LMNTD2: variants seen among roughly 807,000 people sequenced by gnomAD.
LMNTD2 encodes the protein lamin tail domain-containing protein 2.
LMNTD2 carries 83 observed loss-of-function variants against 70.1 expected under a neutral mutation model. The ratio of observed to expected loss-of-function variants is 1.18; its 90% CI spans 0.99 to 1.42. The LOEUF is 1.42. LMNTD2 is among the 40% of genes most tolerant of loss of function. LMNTD2 has a pLI of 0.00. For missense variants in LMNTD2, 1,153 were observed against 905.9 expected, an observed-to-expected ratio of 1.27 and a Z score of -3.50; for synonymous variants, 534 against 406.1, an observed-to-expected ratio of 1.31 and a Z score of -3.79.
intron 7 of LMNTD2, 42 bp downstream of exon 7, chr11:557,357 C>T (rs1421739365): frequency 6.4e-7 from 1 of 1,556,518 alleles, no homozygotes; most frequent in African/African-American, 1.4e-5. Flanking sequence ...AAGGTGAGCC[C>T]TCCCTTCTGG....
At chr11:556,457 T>TCCAGC (rs752439974) in intron 9 of LMNTD2, 35 bp downstream of exon 9, 814 of 1,548,864 alleles carry the variant, frequency 5.3e-4, no homozygotes, top group Non-Finnish European at 5.5e-4. Context: ...CCAGCTCCAG[T>TCCAGC]CCGGCGCCGG....
chr11:556,946 G>A lies in LMNTD2; in HGVS notation c.865C>T (p.Arg289Trp), dbSNP rs575385525. 2.5e-6 allele frequency: 4 copies of A among 1,601,424 alleles called. No homozygotes were observed. The highest frequency in any genetic ancestry group is 1.7e-4 in the Middle Eastern group (1 of 6,020). Residue 289 changes from arginine (R) to tryptophan (W), a missense_variant, in exon 8 of 14, where the codon CGG (arginine) becomes TGG (tryptophan). Arg to Trp is a moderately radical substitution (Grantham distance 101). Coordinates refer to ENST00000329451, the MANE Select transcript of LMNTD2 (RefSeq NM_173573.3). ...TGCACGAAGGAAGGCAGGCCCGGCCGGCAGCTGCTGGAGTCGGAGTCAGCG... is the reference window on the plus strand; with the variant it reads ...TGCACGAAGGAAGGCAGGCCCGGCCAGCAGCTGCTGGAGTCGGAGTCAGCG... ...GGADSDSSSC[R>W]PGLPSFVQVI...
At chr11:555,690 G>A in intron 12 of LMNTD2, 44 bp downstream of exon 12, 1 of 1,367,878 alleles carries the variant, frequency 7.3e-7, no homozygotes, top group Non-Finnish European at 9.4e-7. Flanking sequence ...GCTGGGTCGG[G>A]GCCTGGGGAG....
At chr11:558,274 C>T (rs768728591) in intron 3 of LMNTD2, 26 bp from the exon 4 acceptor site, 2 of 1,607,936 alleles carry the variant, frequency 1.2e-6, no homozygotes, top group Non-Finnish European at 1.7e-6. Flanking sequence ...CCTCAGCAGC[C>T]CCCACCCTGC....
At chr11:557,210 G>A (rs1388164611) in intron 7 of LMNTD2, 113 bp from the exon 8 acceptor site, 4 of 1,445,616 alleles carry the variant, frequency 2.8e-6, no homozygotes, top group African/African-American at 2.8e-5. Context: ...CAGTACCCAG[G>A]CTCAGTTCAT....
In LMNTD2 at chr11:554,868, G is replaced by T. The variant is rs993240320; in HGVS notation, c.*112C>A. 18 of 737,744 alleles carry T rather than the reference G, an allele frequency of 2.4e-5. No homozygotes were observed. The East Asian group carries it at 6.0e-4, about 25-fold the overall frequency. 45.7% of individuals were successfully genotyped at this position (737,744 alleles called of 1,614,324 possible). Reference sequence around the variant, plus strand: ...CCAGCTCTCAGGTGTACAGAAATGCGGTTTACTTTGTAGGCCACGTTGGTT... The same window carrying T: ...CCAGCTCTCAGGTGTACAGAAATGCTGTTTACTTTGTAGGCCACGTTGGTT... On this transcript the variant is annotated 3_prime_UTR_variant, in exon 14 of 14. Coordinates refer to ENST00000329451, the MANE Select transcript of LMNTD2 (RefSeq NM_173573.3).
At chr11:557,664 G>C in intron 5 of LMNTD2, 24 bp from the exon 6 acceptor site, 1 of 1,613,034 alleles carries the variant, frequency 6.2e-7, no homozygotes, top group Non-Finnish European at 8.5e-7. Context: ...CCGGAAGCCA[G>C]TGGGCAGGGG....
chr11:559,295 C>T (rs558755377), intron 1 of LMNTD2: 16 of 1,448,036 alleles, frequency 1.1e-5, no homozygotes, highest in African/African-American at 5.7e-5. Context: ...ATGTGGTGTC[C>T]CTCTTTCTCT....
chr11:560,360 G>C, intron 1 of LMNTD2: 1 of 1,170,194 alleles, frequency 8.5e-7, no homozygotes. Flanking sequence ...GGAAGGTGTC[G>C]GAGAAGAGCC....
chr11:555,378 G>A lies in LMNTD2; in HGVS notation c.1700C>T (p.Thr567Ile), dbSNP rs777270650. 4 of 1,418,086 alleles carry A rather than the reference G, an allele frequency of 2.8e-6. No individual in the cohort carries two copies. The highest frequency in any genetic ancestry group is 3.2e-5 in the South Asian group (2 of 62,842). 87.8% of individuals were successfully genotyped at this position (1,418,086 alleles called of 1,614,324 possible). The change falls in exon 13 of 14, where the codon ACC becomes ATC. Residue 567 changes from threonine (T) to isoleucine (I), a missense_variant. Physicochemically the swap from Thr to Ile is moderately conservative, Grantham distance 89. Transcript: ENST00000329451. ...QHLPAIPGDP[T>I]LPSPPAEAGL... ...GGCCTCTGCGGGAGGCGACGGCAGGGTGGGGTCACCCGGGATGGCGGGCAG... is the reference window on the plus strand; with the variant it reads ...GGCCTCTGCGGGAGGCGACGGCAGGATGGGGTCACCCGGGATGGCGGGCAG...
rs749293038 is a variant in LMNTD2, at chr11:556,898, C to G, written c.913G>C (p.Asp305His). ...GCTTGCTCGGAGGAAGCGCGGTGGTCCCGGGGCGGGTGCCCTATCACCTGC... is the reference window on the plus strand; with the variant it reads ...GCTTGCTCGGAGGAAGCGCGGTGGTGCCGGGGCGGGTGCCCTATCACCTGC... ...FVQVIGHPPR[D>H]HRASSEQALV... The change falls in exon 8 of 14, where the codon GAC becomes CAC. Residue 305 changes from aspartate to histidine, a missense_variant. Coordinates refer to ENST00000329451, the MANE Select transcript of LMNTD2 (RefSeq NM_173573.3). 3 of 1,595,974 alleles carry G rather than the reference C, an allele frequency of 1.9e-6. No individual in the cohort carries two copies. The highest frequency in any genetic ancestry group is 2.6e-6 in the Non-Finnish European group (3 of 1,174,180).
In LMNTD2 at chr11:555,716, G is replaced by C. The variant is rs1482446345; in HGVS notation, c.1574+18C>G. 2 of 1,380,580 alleles carry C rather than the reference G, an allele frequency of 1.4e-6. No homozygotes were observed. The highest frequency in any genetic ancestry group is 1.9e-6 in the Non-Finnish European group (2 of 1,077,264). 85.5% of individuals were successfully genotyped at this position (1,380,580 alleles called of 1,614,324 possible). ...GCCTGGGGAGGGAGGCCAGATCCCGGGGACCCGCGGTCCCCACCCTGGTCT... is the reference window on the plus strand; with the variant it reads ...GCCTGGGGAGGGAGGCCAGATCCCGCGGACCCGCGGTCCCCACCCTGGTCT... On this transcript the variant is annotated intron_variant, in intron 12 of 13. Coordinates refer to ENST00000329451, the MANE Select transcript of LMNTD2 (RefSeq NM_173573.3).
Position 555,294 on chromosome 11 carries a change from C to A in LMNTD2, c.1773+11G>T. 1 of 1,394,352 alleles carries A rather than the reference C, an allele frequency of 7.2e-7. No individual in the cohort carries two copies. The highest frequency in any genetic ancestry group is 9.3e-7 in the Non-Finnish European group (1 of 1,075,962). 86.4% of individuals were successfully genotyped at this position (1,394,352 alleles called of 1,614,324 possible). A position where few individuals can be genotyped will look rare whatever the true frequency, so the allele number is the denominator to read the frequency against. ...GGAGAGGAGGGGGCGCACCCGCAAG[C>A]GCGCACTCACCCGAACTCGGTGTTC... On this transcript the variant is annotated intron_variant, in intron 13 of 13. Coordinates refer to ENST00000329451, the MANE Select transcript of LMNTD2 (RefSeq NM_173573.3).
At chr11:556,635 C>T in intron 8 of LMNTD2, 47 bp from the exon 9 acceptor site, 2 of 1,449,328 alleles carry the variant, frequency 1.4e-6, no homozygotes, top group Non-Finnish European at 9.1e-7. Context: ...AATGGAGTCC[C>T]CACCGGATGT....
intron 12 of LMNTD2, 79 bp downstream of exon 12, chr11:555,655 C>A: frequency 2.3e-6 from 3 of 1,306,366 alleles, no homozygotes; most frequent in Non-Finnish European, 3.0e-6. Context: ...TCCGTCCTAG[C>A]GAGGGGATAC....
chr11:558,074 G>T, intron 4 of LMNTD2, 35 bp from the exon 5 acceptor site: 2 of 1,588,748 alleles, frequency 1.3e-6, no homozygotes, highest in Non-Finnish European at 8.6e-7. Flanking sequence ...GTGGTGGGGG[G>T]GTGTCTTCTG....
Position 556,826 on chromosome 11 carries a change from C to T in LMNTD2, c.976+9G>A. On this transcript the variant is annotated intron_variant, in intron 8 of 13. Transcript: ENST00000329451. The stretch of plus-strand genomic sequence containing the variant: ...GAAGGGTAACCAGGGGAGACCCGCC[C>T]CACTGCACCTTCTGAGTCCCTGCTG... 1.3e-6 allele frequency: 2 copies of T among 1,558,604 alleles called. No homozygotes were observed. The highest frequency in any genetic ancestry group is 8.7e-7 in the Non-Finnish European group (1 of 1,149,486).
rs1589829221 is a variant in LMNTD2, at chr11:556,575, G to A, written c.990C>T (p.Thr330=). The A allele has an allele frequency of 5.8e-6, 9 of 1,544,702 alleles. No individual in the cohort carries two copies. In the East Asian group the frequency reaches 2.2e-4, roughly 37 times the overall value. The change falls in exon 9 of 14, where the codon ACC becomes ACT. Residue 330 remains threonine (T), a synonymous_variant. Coordinates refer to ENST00000329451, the MANE Select transcript of LMNTD2 (RefSeq NM_173573.3). ...CCGGCTCGCCGTGCCTGGGTGAGTGGGTTTTCTGGAGATCTAGAGAGAGCA... is the reference window on the plus strand; with the variant it reads ...CCGGCTCGCCGTGCCTGGGTGAGTGAGTTTTCTGGAGATCTAGAGAGAGCA... The part of the protein sequence containing the change: ...YSRDSEDLQK[T]HSPRHGEPVL...
intron 13 of LMNTD2, 95 bp downstream of exon 13, chr11:555,210 A>AGGAGAGCGGAGGGGC (rs1852752736): frequency 1.9e-5 from 9 of 464,352 alleles, no homozygotes; most frequent in Admixed American, 1.3e-4. Flanking sequence ...AGCGGAGGGG[A>AGGAGAGCGGAGGGGC]GGGGACGAGG....
Sources: gnomAD v4.1 joint callset for allele counts on GRCh38, gnomAD v4.1.1 for gene constraint, MANE v1.5 for transcripts, NCBI Gene and HGNC (gene_info 2026-07-23, HGNC 2026-07-21) for gene names.